Variants in MAP2 observed in about 807,000 individuals in gnomAD.
MAP2 encodes the protein microtubule-associated protein 2.
A neutral mutation model predicts 137.6 loss-of-function variants in MAP2; 14 were observed. That is an observed-to-expected ratio of 0.10 (90% CI 0.07 to 0.16). The LOEUF (loss-of-function observed/expected upper bound fraction) is 0.16, where lower values mean the gene tolerates loss of function less well. Ranked by LOEUF, MAP2 falls within the 10% of genes least tolerant of loss-of-function variation. The probability of loss-of-function intolerance (pLI) is 1.00; values close to 1 mark genes in which losing one functional copy is unlikely to be tolerated. For synonymous variants in MAP2, 786 were observed against 782.3 expected, an observed-to-expected ratio of 1.00 and a Z score of -0.08; for missense variants, 2,088 against 2,191.5, an observed-to-expected ratio of 0.95 and a Z score of 0.94.
intron 1 of MAP2, among the ~76,000 whole-genome samples, chr2:209,458,077 ATTT>A: frequency 6.7e-6 from 1 of 148,918 alleles, no homozygotes; most frequent in South Asian, 2.1e-4. Flanking sequence ...TAAGTAGGTA[ATTT>A]TTTTTTTTAC....
intron 13 of MAP2, chr2:209,723,732 C>T: frequency 7.6e-7 from 1 of 1,319,208 alleles, no homozygotes; most frequent in South Asian, 1.2e-5. Context: ...TTGCGTGGAG[C>T]CACCTGCACA....
At chr2:209,540,062 G>A (rs1218080454) in intron 2 of MAP2, among the ~76,000 whole-genome samples, 1 of 122,188 alleles carries the variant, frequency 8.2e-6, no homozygotes, top group African/African-American at 3.2e-5. Context: ...GATCATGCCA[G>A]TACACTCGAG....
intron 2 of MAP2, among the ~76,000 whole-genome samples, chr2:209,541,472 T>C (rs531055713): frequency 6.6e-6 from 1 of 151,376 alleles, no homozygotes; most frequent in Non-Finnish European, 1.5e-5. Flanking sequence ...AAGATAACAA[T>C]GAAGTTTACC....
intron 4 of MAP2, among the ~76,000 whole-genome samples, chr2:209,643,057 G>T (rs931921233): frequency 6.6e-6 from 1 of 152,110 alleles, no homozygotes; most frequent in African/African-American, 2.4e-5. Context: ...TGGATATGTA[G>T]CAGCACAAAA....
At chr2:209,680,274 C>CCCTAAAAT (rs1365718466) in intron 6 of MAP2, among the ~76,000 whole-genome samples, 1 of 152,036 alleles carries the variant, frequency 6.6e-6, no homozygotes, top group African/African-American at 2.4e-5. Flanking sequence ...AAAATATATT[C>CCCTAAAAT]CCTAAAATAA....
chr2:209,602,791 T>C (rs769280026), intron 3 of MAP2, among the ~76,000 whole-genome samples: 1 of 152,206 alleles, frequency 6.6e-6, no homozygotes, highest in Non-Finnish European at 1.5e-5. Context: ...GAGCTGCCTG[T>C]GGGCCTTGCG....
chr2:209,574,897 A>C (rs1421296410), intron 2 of MAP2, among the ~76,000 whole-genome samples: 3 of 152,340 alleles, frequency 2.0e-5, no homozygotes, highest in South Asian at 2.1e-4. Context: ...TACTAGGGGA[A>C]AGCATAAGTA....
rs288069 is a variant in MAP2 at position 209,547,183 on chromosome 2, C to G, written c.-171-32853C>G. Among the ~76,000 whole-genome samples the G allele has an allele frequency of 8.4e-3, 1,282 of 152,184 alleles. 19 individuals carry two copies. The highest frequency in any genetic ancestry group is 0.029 in the African/African-American group (1,196 of 41,508). ...TGCAGGGGATGTGTGAAGAGATATG[C>G]TCCTGGAAGCATGCCCCTTGAGGAG... On this transcript the variant is annotated intron_variant, in intron 2 of 15. Coordinates refer to ENST00000682079, the MANE Select transcript of MAP2 (RefSeq NM_001375505.1).
intron 3 of MAP2, among the ~76,000 whole-genome samples, chr2:209,617,441 A>G (rs1031726097): frequency 2.0e-5 from 3 of 152,190 alleles, no homozygotes; most frequent in African/African-American, 7.2e-5. Flanking sequence ...AAACTCAATC[A>G]GATACCCAGC....
At chr2:209,606,410 C>T (rs2084765645) in intron 3 of MAP2, among the ~76,000 whole-genome samples, 1 of 151,994 alleles carries the variant, frequency 6.6e-6, no homozygotes, top group African/African-American at 2.4e-5. Context: ...ACCTGTAATC[C>T]CACCACTTTG....
intron 1 of MAP2, among the ~76,000 whole-genome samples, chr2:209,447,690 A>G (rs1353959318): frequency 6.6e-6 from 1 of 152,044 alleles, no homozygotes. Context: ...TTAGCAGATC[A>G]TTATTCAAGC....
At chr2:209,521,563 A>C (rs1474606768) in intron 2 of MAP2, among the ~76,000 whole-genome samples, 1 of 151,932 alleles carries the variant, frequency 6.6e-6, no homozygotes, top group African/African-American at 2.4e-5. Flanking sequence ...CTTATTTAAA[A>C]AAAAAAAATT....
chr2:209,434,315 A>AT (rs1559156106), intron 1 of MAP2, among the ~76,000 whole-genome samples: 4 of 149,800 alleles, frequency 2.7e-5, no homozygotes, highest in Non-Finnish European at 4.4e-5. Flanking sequence ...CAAAATTATT[A>AT]TTTTTTTATT....
chr2:209,461,160 T>C (rs1702711783), intron 1 of MAP2, among the ~76,000 whole-genome samples: 2 of 152,368 alleles, frequency 1.3e-5, no homozygotes, highest in Admixed American at 6.5e-5. Flanking sequence ...TAATTATTAC[T>C]ACCAGAAAAC....
intron 2 of MAP2, among the ~76,000 whole-genome samples, chr2:209,550,691 G>C (rs2068995335): frequency 6.6e-6 from 1 of 152,082 alleles, no homozygotes; most frequent in Non-Finnish European, 1.5e-5. Flanking sequence ...AGTTCTTGTA[G>C]TTAACAAAGG....
At chr2:209,560,222 G>A (rs2071684608) in intron 2 of MAP2, among the ~76,000 whole-genome samples, 2 of 152,074 alleles carry the variant, frequency 1.3e-5, no homozygotes, top group African/African-American at 4.8e-5. Flanking sequence ...ACTTCAGATA[G>A]GAAAGCATAT....
At chr2:209,513,686 A>G (rs959757312) in intron 2 of MAP2, among the ~76,000 whole-genome samples, 2 of 152,102 alleles carry the variant, frequency 1.3e-5, no homozygotes, top group African/African-American at 4.8e-5. Context: ...AGATTCTTCC[A>G]GTGGGTAGTA....
At chr2:209,726,585 C>G (rs2074107257) in intron 14 of MAP2, among the ~76,000 whole-genome samples, 1 of 152,026 alleles carries the variant, frequency 6.6e-6, no homozygotes, top group Non-Finnish European at 1.5e-5. Flanking sequence ...TAGGGAAACC[C>G]CTGTCTCAAT....
chr2:209,726,402 G>A (rs1283418314), intron 14 of MAP2, among the ~76,000 whole-genome samples: 1 of 152,090 alleles, frequency 6.6e-6, no homozygotes, highest in Non-Finnish European at 1.5e-5. Flanking sequence ...TCCCTTTAAA[G>A]TGTGAATCTA....
Sources: allele counts gnomAD v4.1 joint callset (sites outside exome capture counted in the v4.1 genomes callset), GRCh38; gene constraint gnomAD v4.1.1; transcripts MANE v1.5; gene names NCBI Gene and HGNC (gene_info 2026-07-23, HGNC 2026-07-21).